The following PLCB4 variants were observed in gnomAD, a reference collection of about 807,000 sequenced individuals.
PLCB4 encodes the protein 1-phosphatidylinositol 4,5-bisphosphate phosphodiesterase beta-4.
PLCB4 carries 77 observed loss-of-function variants against 178.8 expected under a neutral mutation model. That is an observed-to-expected ratio of 0.43 (90% CI 0.36 to 0.52). The LOEUF (loss-of-function observed/expected upper bound fraction) is 0.52. Ranked by LOEUF, PLCB4 falls within the 20% of genes least tolerant of loss-of-function variation. The pLI, the probability that PLCB4 is intolerant of heterozygous loss-of-function variation, is 0.00. For missense variants in PLCB4, 1,024 were observed against 1,453.4 expected (o/e 0.70, Z 4.80); for synonymous variants, 496 against 490.8 (o/e 1.01, Z -0.14).
chr20:9,293,722 G>A (rs564586429), intron 3 of PLCB4, among the ~76,000 whole-genome samples: 2 of 152,268 alleles, frequency 1.3e-5, no homozygotes, highest in South Asian at 2.1e-4. Context: ...TCATCATGTA[G>A]TGATGATACA....
intron 2 of PLCB4, among the ~76,000 whole-genome samples, chr20:9,104,961 G>A (rs1255696791): frequency 9.9e-5 from 15 of 151,788 alleles, no homozygotes. Context: ...TATGTTCCTT[G>A]GAGGAGATCC....
chr20:9,261,174 C>A (rs1198580702), intron 3 of PLCB4, among the ~76,000 whole-genome samples: 1 of 151,814 alleles, frequency 6.6e-6, no homozygotes, highest in African/African-American at 2.4e-5. Flanking sequence ...GTGCTTCCAG[C>A]AGGACAATCA....
chr20:9,435,783 A>G, intron 29 of PLCB4, 135 bp downstream of exon 29: 1 of 551,908 alleles, frequency 1.8e-6, no homozygotes, highest in Non-Finnish European at 3.3e-6. Flanking sequence ...TCAATTCAAC[A>G]ATAGTTAACT....
At chr20:9,091,983 G>C (rs1012317955) in intron 1 of PLCB4, among the ~76,000 whole-genome samples, 1 of 151,984 alleles carries the variant, frequency 6.6e-6, no homozygotes, top group Non-Finnish European at 1.5e-5. Flanking sequence ...GAGATCTACA[G>C]ATAATAGAAG....
At chr20:9,425,961 C>G (rs1040975085) in intron 28 of PLCB4, among the ~76,000 whole-genome samples, 1 of 152,052 alleles carries the variant, frequency 6.6e-6, no homozygotes, top group Non-Finnish European at 1.5e-5. Context: ...AGCCAACCTC[C>G]CACATTCATA....
At chr20:9,138,245 G>T (rs2092422457) in intron 2 of PLCB4, among the ~76,000 whole-genome samples, 1 of 152,048 alleles carries the variant, frequency 6.6e-6, no homozygotes, top group East Asian at 1.9e-4. Flanking sequence ...TTGGAGAAAT[G>T]CCTGGACTTC....
At chr20:9,122,596 C>T (rs1449333260) in intron 2 of PLCB4, among the ~76,000 whole-genome samples, 1 of 152,144 alleles carries the variant, frequency 6.6e-6, no homozygotes, top group Non-Finnish European at 1.5e-5. Flanking sequence ...TAGCCATGCA[C>T]TCTTAATGTA....
chr20:9,077,686 C>G (rs1445089848), intron 1 of PLCB4, among the ~76,000 whole-genome samples: 3 of 152,294 alleles, frequency 2.0e-5, no homozygotes, highest in African/African-American at 7.2e-5. Context: ...CTGTGAAACT[C>G]TAGACCCTTC....
intron 32 of PLCB4, among the ~76,000 whole-genome samples, chr20:9,446,543 A>C (rs554865439): frequency 6.6e-6 from 1 of 152,250 alleles, no homozygotes; most frequent in South Asian, 2.1e-4. Flanking sequence ...AATATAATGA[A>C]TATTTACTTG....
At chr20:9,171,032 C>T (rs1206567187) in intron 2 of PLCB4, among the ~76,000 whole-genome samples, 3 of 152,142 alleles carry the variant, frequency 2.0e-5, no homozygotes, top group Non-Finnish European at 4.4e-5. Context: ...TTTTGGTTTG[C>T]TCCTTTTCAC....
At chr20:9,167,920 A>T (rs1421498233) in intron 2 of PLCB4, among the ~76,000 whole-genome samples, 1 of 152,212 alleles carries the variant, frequency 6.6e-6, no homozygotes. Flanking sequence ...ACAAAGCATG[A>T]CCATTAAAAT....
At chr20:9,270,089 A>C (rs941492303) in intron 3 of PLCB4, among the ~76,000 whole-genome samples, 1 of 152,174 alleles carries the variant, frequency 6.6e-6, no homozygotes, top group Admixed American at 6.6e-5. Flanking sequence ...GATTTTATTA[A>C]TGAAGTTCCT....
chr20:9,421,904 C>T (rs955157233), intron 27 of PLCB4, among the ~76,000 whole-genome samples: 1 of 152,158 alleles, frequency 6.6e-6, no homozygotes, highest in East Asian at 1.9e-4. Flanking sequence ...AAGAGTGACA[C>T]CTGTTGCCTA....
chr20:9,351,063 G>GACCAA (rs1332073498), intron 7 of PLCB4, among the ~76,000 whole-genome samples: 1 of 152,146 alleles, frequency 6.6e-6, no homozygotes, highest in African/African-American at 2.4e-5. Flanking sequence ...ACATATAAAG[G>GACCAA]GGGTTCTTTG....
intron 3 of PLCB4, among the ~76,000 whole-genome samples, chr20:9,236,660 A>G (rs1186168482): frequency 6.6e-6 from 1 of 152,170 alleles, no homozygotes; most frequent in Non-Finnish European, 1.5e-5. Context: ...GTCAGACACC[A>G]AGGCAGAGCT....
chr20:9,112,149 T>C (rs2091601331), intron 2 of PLCB4, among the ~76,000 whole-genome samples: 1 of 152,190 alleles, frequency 6.6e-6, no homozygotes, highest in Non-Finnish European at 1.5e-5. Context: ...ATTTTTATTA[T>C]GTAGTTGGAA....
At chr20:9,471,665 C>T (rs149737072) in intron 36 of PLCB4, among the ~76,000 whole-genome samples, 2 of 152,244 alleles carry the variant, frequency 1.3e-5, no homozygotes, top group African/African-American at 4.8e-5. Context: ...TCTACCTCAC[C>T]AGTAGTCAGG....
At chr20:9,097,266 A>G (rs879708271) in intron 2 of PLCB4, among the ~76,000 whole-genome samples, 1 of 85,262 alleles carries the variant, frequency 1.2e-5, no homozygotes, top group African/African-American at 4.7e-5. Context: ...TTTTTATCTC[A>G]TACTTTTTAT....
At chr20:9,190,744 T>G (rs1285139808) in intron 2 of PLCB4, among the ~76,000 whole-genome samples, 1 of 152,180 alleles carries the variant, frequency 6.6e-6, no homozygotes, top group Non-Finnish European at 1.5e-5. Flanking sequence ...ATTGAGAGCT[T>G]GGTTTGAACA....
Sources: gnomAD v4.1 joint callset for allele counts (sites outside exome capture counted in the v4.1 genomes callset) on GRCh38, gnomAD v4.1.1 for gene constraint, MANE v1.5 for transcripts, NCBI Gene and HGNC (gene_info 2026-07-23, HGNC 2026-07-21) for gene names.